TASP1: variants seen among roughly 807,000 people sequenced by gnomAD.
TASP1 encodes threonine aspartase 1.
Under a neutral mutation model 56.6 loss-of-function variants are expected in TASP1, and 16 were observed. That is an observed-to-expected ratio of 0.28 (90% CI 0.19 to 0.43). TASP1 has a LOEUF of 0.43. TASP1 is among the 20% of genes least tolerant of loss of function. TASP1 has a pLI of 1.00. For missense variants in TASP1, 393 were observed against 511.6 expected (o/e 0.77, Z 2.24); for synonymous variants, 179 against 184.2 (o/e 0.97, Z 0.23).
the TASP1 span, among the ~76,000 whole-genome samples, chr20:13,178,208 T>C: frequency 1.3e-5 from 2 of 152,038 alleles, no homozygotes; most frequent in African/African-American, 4.8e-5. Context: ...AGTGAGGTAA[T>C]ATCTCACCCC....
the TASP1 span, chr20:13,292,337 T>C: frequency 3.6e-5 from 48 of 1,351,284 alleles, no homozygotes; most frequent in African/African-American, 5.9e-4. Flanking sequence ...ACTTTTTCCA[T>C]GTAATGATGG....
At chr20:13,561,329 G>T (rs369219016) in intron 7 of TASP1, among the ~76,000 whole-genome samples, 14 of 152,026 alleles carry the variant, frequency 9.2e-5, no homozygotes, top group African/African-American at 3.1e-4. Context: ...TGTAATTTTG[G>T]TTTCTAACTA....
chr20:13,498,328 C>CTT (rs1268361624), intron 10 of TASP1, among the ~76,000 whole-genome samples: 1 of 99,740 alleles, frequency 1.0e-5, no homozygotes, highest in Admixed American at 1.1e-4. Flanking sequence ...TTTTTCTTTT[C>CTT]TTTTGTGTGT....
the TASP1 span, among the ~76,000 whole-genome samples, chr20:13,312,261 C>T: frequency 6.6e-6 from 1 of 152,152 alleles, no homozygotes; most frequent in Admixed American, 6.5e-5. Context: ...CAAAGCCATG[C>T]ACATGTGAGT....
the TASP1 span, among the ~76,000 whole-genome samples, chr20:13,217,247 A>G: frequency 1.3e-5 from 2 of 152,224 alleles, no homozygotes; most frequent in Non-Finnish European, 2.9e-5. Flanking sequence ...GAAAATACTG[A>G]GAATGCAGGT....
At chr20:13,295,098 C>A in the TASP1 span, among the ~76,000 whole-genome samples, 11,980 of 152,192 alleles carry the variant, frequency 0.079, 618 homozygotes, top group Admixed American at 0.11. Context: ...CCACCACCAG[C>A]CTCCCAGGCT....
chr20:13,593,845 C>T (rs990792737), intron 4 of TASP1, among the ~76,000 whole-genome samples: 1 of 152,198 alleles, frequency 6.6e-6, no homozygotes, highest in African/African-American at 2.4e-5. Context: ...CTAAAGAGAG[C>T]AGTGGTTCTC....
intron 11 of TASP1, among the ~76,000 whole-genome samples, chr20:13,459,451 C>G (rs6079074): frequency 6.6e-6 from 1 of 151,866 alleles, no homozygotes; most frequent in African/African-American, 2.4e-5. Flanking sequence ...CTTGCCCCAT[C>G]ATACTCACCT....
intron 8 of TASP1, among the ~76,000 whole-genome samples, chr20:13,534,377 CTAA>C (rs1401529287): frequency 1.3e-5 from 2 of 151,328 alleles, no homozygotes; most frequent in African/African-American, 4.9e-5. Flanking sequence ...TTGCTTTTCT[CTAA>C]TAATAAGGCT....
At chr20:13,355,262 T>C in the TASP1 span, among the ~76,000 whole-genome samples, 9 of 152,214 alleles carry the variant, frequency 5.9e-5, no homozygotes, top group Non-Finnish European at 7.3e-5. Flanking sequence ...TATCCACATA[T>C]GTTATTTTAA....
chr20:13,573,013 C>A (rs1211922945), intron 6 of TASP1, among the ~76,000 whole-genome samples: 1 of 152,082 alleles, frequency 6.6e-6, no homozygotes, highest in African/African-American at 2.4e-5. Context: ...AACTGATTTC[C>A]ATTTTATCTA....
chr20:13,221,777 A>G, the TASP1 span: 2 of 1,446,934 alleles, frequency 1.4e-6, no homozygotes, highest in South Asian at 2.7e-5. Flanking sequence ...TCTCAAAAGG[A>G]TGGTGCGCCT....
the TASP1 span, among the ~76,000 whole-genome samples, chr20:13,135,443 G>A: frequency 4.6e-5 from 7 of 152,148 alleles, no homozygotes; most frequent in East Asian, 1.4e-3. Context: ...AATGAAATTG[G>A]CACTTTTTTG....
chr20:13,400,037 C>T (rs2041679938), intron 13 of TASP1, among the ~76,000 whole-genome samples: 1 of 152,152 alleles, frequency 6.6e-6, no homozygotes, highest in African/African-American at 2.4e-5. Context: ...CGCTGGAATC[C>T]CTGTACCTCC....
At chr20:13,346,071 CTT>C in the TASP1 span, among the ~76,000 whole-genome samples, 1 of 152,046 alleles carries the variant, frequency 6.6e-6, no homozygotes, top group Non-Finnish European at 1.5e-5. Flanking sequence ...ATCTGACTGT[CTT>C]CTGCTTCATG....
At chr20:13,560,623 A>G (rs1180697071) in intron 7 of TASP1, among the ~76,000 whole-genome samples, 1 of 152,138 alleles carries the variant, frequency 6.6e-6, no homozygotes, top group East Asian at 1.9e-4. Flanking sequence ...AGGTGGGGGG[A>G]AAAAACAGGG....
At chr20:13,551,114 G>C (rs775623905) in intron 8 of TASP1, among the ~76,000 whole-genome samples, 2 of 152,096 alleles carry the variant, frequency 1.3e-5, no homozygotes, top group Non-Finnish European at 2.9e-5. Context: ...GTCCCTATGT[G>C]GTGGCTAAAG....
At chr20:13,286,822 G>A in the TASP1 span, among the ~76,000 whole-genome samples, 1 of 152,208 alleles carries the variant, frequency 6.6e-6, no homozygotes, top group African/African-American at 2.4e-5. Flanking sequence ...TTCCTGCTGG[G>A]CCTATGTAAT....
intron 11 of TASP1, among the ~76,000 whole-genome samples, chr20:13,439,766 A>C (rs541174607): frequency 6.6e-6 from 1 of 152,308 alleles, no homozygotes. Context: ...AAGATGAAAA[A>C]TGAGTCAAAA....
Sources: gnomAD v4.1 joint callset for allele counts (sites outside exome capture counted in the v4.1 genomes callset) on GRCh38, gnomAD v4.1.1 for gene constraint, MANE v1.5 for transcripts, NCBI Gene and HGNC (gene_info 2026-07-23, HGNC 2026-07-21) for gene names.